Variants in VCL observed in about 807,000 individuals in gnomAD.
The protein encoded by VCL is vinculin.
Under a neutral mutation model 125.7 loss-of-function variants are expected in VCL, and 47 were observed. The observed-to-expected ratio is 0.37, with a 90% CI of 0.30 to 0.48. The LOEUF (loss-of-function observed/expected upper bound fraction) is 0.48. VCL is among the 20% of genes least tolerant of loss of function. The probability of loss-of-function intolerance (pLI) is 0.99; values close to 1 mark genes in which losing one functional copy is unlikely to be tolerated. For synonymous variants in VCL, 458 were observed against 514.6 expected, an observed-to-expected ratio of 0.89 and a Z score of 1.49; for missense variants, 1,069 against 1,455.5, an observed-to-expected ratio of 0.73 and a Z score of 4.32.
At position 74,114,283 on chromosome 10, in the gene VCL, CA is replaced by C; in HGVS notation, c.3050del (p.Gln1017ArgfsTer13). 1 of 1,614,110 alleles carries C rather than the reference CA, an allele frequency of 6.2e-7. No individual in the cohort carries two copies. Among genetic ancestry groups the C allele is most frequent in the Non-Finnish European group, 8.5e-7 (1 of 1,180,026 alleles). On this transcript the variant is annotated frameshift_variant, in exon 20 of 22. Transcript: ENST00000211998. LOFTEE classifies it high-confidence loss of function. ...CAGTGGTACCAAGCGGGCACTCATTCAGTGTGCCAAGGACATCGCCAAGGCC... is the reference window on the plus strand; with the variant it reads ...CAGTGGTACCAAGCGGGCACTCATTCGTGTGCCAAGGACATCGCCAAGGCC... ...GGSGTKRALIQCAKDIAKASD... is the reference protein window; with the variant it reads ...GGSGTKRALIXCAKDIAKASD...
At chr10:74,101,836 C>A (rs1309344528) in intron 14 of VCL, among the ~76,000 whole-genome samples, 1 of 150,772 alleles carries the variant, frequency 6.6e-6, no homozygotes, top group African/African-American at 2.4e-5. Context: ...CACATACACA[C>A]ATAACTAGGA....
At chr10:74,043,219 C>A in intron 2 of VCL, 66 bp downstream of exon 2, 3 of 1,418,184 alleles carry the variant, frequency 2.1e-6, no homozygotes, top group Non-Finnish European at 3.0e-6. Flanking sequence ...GAAAAAGTAG[C>A]TGATTTCAGT....
chr10:74,019,744 T>C (rs942996618), intron 1 of VCL, among the ~76,000 whole-genome samples: 5 of 152,294 alleles, frequency 3.3e-5, no homozygotes, highest in Admixed American at 6.5e-5. Flanking sequence ...ATTTTGAAAA[T>C]GAATCAGTAA....
At chr10:74,031,375 C>G (rs1840870841) in intron 1 of VCL, among the ~76,000 whole-genome samples, 1 of 152,124 alleles carries the variant, frequency 6.6e-6, no homozygotes, top group Non-Finnish European at 1.5e-5. Flanking sequence ...GCCTCTTGTC[C>G]TGTAGCCTAT....
At chr10:74,039,348 A>G (rs2136246209) in intron 1 of VCL, among the ~76,000 whole-genome samples, 1 of 146,450 alleles carries the variant, frequency 6.8e-6, no homozygotes, top group South Asian at 2.1e-4. Context: ...TTCTGTTTTC[A>G]CTACTTAAGT....
At chr10:74,045,723 T>C (rs1841187856) in intron 2 of VCL, among the ~76,000 whole-genome samples, 1 of 151,614 alleles carries the variant, frequency 6.6e-6, no homozygotes, top group Admixed American at 6.6e-5. Context: ...TAAGTAATAA[T>C]GGTCACCACA....
intron 1 of VCL, among the ~76,000 whole-genome samples, chr10:74,018,173 A>G (rs566981639): frequency 0.013 from 784 of 62,004 alleles, 16 homozygotes; most frequent in Non-Finnish European, 0.022. Context: ...GAGGATATAT[A>G]TAGGATATAT....
intron 8 of VCL, among the ~76,000 whole-genome samples, chr10:74,088,860 T>A (rs998536645): frequency 6.6e-6 from 1 of 152,180 alleles, no homozygotes; most frequent in African/African-American, 2.4e-5. Context: ...AACAAAGCCC[T>A]CCCTAGCAAT....
Position 74,119,083 on chromosome 10 carries a change from T to C in VCL, c.*914T>C, listed in dbSNP as rs1840356013. On this transcript the variant is annotated 3_prime_UTR_variant, in exon 22 of 22. Transcript: ENST00000211998. ...TGCAGAGGTCTGTGCTGAGGCCTTATCATTCATTCTTAGCTCTTAATTGTT... is the reference window on the plus strand; with the variant it reads ...TGCAGAGGTCTGTGCTGAGGCCTTACCATTCATTCTTAGCTCTTAATTGTT... 1 of 152,666 alleles carries C rather than the reference T, an allele frequency of 6.6e-6. No homozygotes were observed. The highest frequency in any genetic ancestry group is 1.5e-5 in the Non-Finnish European group (1 of 68,058). The allele number at this position is 152,666 out of a possible 1,614,324, so 9.5% of individuals were successfully genotyped here.
chr10:74,107,290 G>A lies in VCL; in HGVS notation c.2495G>A (p.Arg832Lys). The A allele has an allele frequency of 3.1e-6, 5 of 1,614,232 alleles. No homozygotes were observed. Among genetic ancestry groups the A allele is most frequent in the Non-Finnish European group, 4.2e-6 (5 of 1,180,046 alleles). The change falls in exon 17 of 22, where the codon AGA (arginine) becomes AAA (lysine). Residue 832 changes from arginine to lysine, a missense_variant. Around this residue, in one of 6 missense-constraint regions of VCL, gnomAD observed 760 missense variants for 928.9 expected, o/e 0.82. Coordinates refer to ENST00000211998, the MANE Select transcript of VCL (RefSeq NM_014000.3). ...ATCCTGGGAGCTGTGGCCAAGGTCAGAGAAGCCTTCCAACCTCAGGAGCCT... is the reference window on the plus strand; with the variant it reads ...ATCCTGGGAGCTGTGGCCAAGGTCAAAGAAGCCTTCCAACCTCAGGAGCCT... ...YRILGAVAKV[R>K]EAFQPQEPDF...
chr10:74,032,751 A>G (rs1840905316), intron 1 of VCL, among the ~76,000 whole-genome samples: 2 of 151,668 alleles, frequency 1.3e-5, no homozygotes, highest in Middle Eastern at 3.4e-3. Flanking sequence ...ATCTGAATAG[A>G]CATTTCTCAA....
At chr10:74,010,528 T>C (rs1017844627) in intron 1 of VCL, among the ~76,000 whole-genome samples, 1 of 152,164 alleles carries the variant, frequency 6.6e-6, no homozygotes, top group Non-Finnish European at 1.5e-5. Context: ...TTCATTTCTG[T>C]CTACTTGAAC....
intron 1 of VCL, among the ~76,000 whole-genome samples, chr10:74,021,026 A>G (rs967385140): frequency 6.6e-6 from 1 of 152,058 alleles, no homozygotes; most frequent in African/African-American, 2.4e-5. Flanking sequence ...AACAATGAAC[A>G]TGTGCCACTT....
At position 74,016,186 on chromosome 10, in the gene VCL, C is replaced by T. The variant is rs61864547; in HGVS notation, c.168+17811C>T. On this transcript the variant is annotated intron_variant, in intron 1 of 21. Transcript: ENST00000211998. The stretch of plus-strand genomic sequence containing the variant: ...CCCTTTGGATCTTTTTCAAAATCTG[C>T]TTCAGTTTTGATAGTCTCTTGTTCT... 9.2e-3 allele frequency among the ~76,000 whole-genome samples: 1,405 copies of T among 152,202 alleles called. 9 individuals are homozygous for T. Among genetic ancestry groups the T allele is most frequent in the Non-Finnish European group, 0.014 (975 of 68,010 alleles).
intron 2 of VCL, among the ~76,000 whole-genome samples, chr10:74,064,157 A>T (rs575567939): frequency 6.6e-6 from 1 of 152,336 alleles, no homozygotes; most frequent in Admixed American, 6.5e-5. Flanking sequence ...AACTCACAGA[A>T]ATACTTTACT....
At chr10:74,070,571 A>G in intron 2 of VCL, 99 bp from the exon 3 acceptor site, 1 of 1,566,484 alleles carries the variant, frequency 6.4e-7, no homozygotes, top group Non-Finnish European at 8.7e-7. Flanking sequence ...ATGTAGGGAA[A>G]AAAACTGTGA....
At chr10:74,070,616 T>A (rs1289021912) in intron 2 of VCL, 54 bp from the exon 3 acceptor site, 6 of 1,610,830 alleles carry the variant, frequency 3.7e-6, no homozygotes, top group Non-Finnish European at 5.1e-6. Context: ...TATTTGCATA[T>A]GGTATTCTTC....
At chr10:74,036,377 A>G (rs1416567034) in intron 1 of VCL, among the ~76,000 whole-genome samples, 6 of 151,698 alleles carry the variant, frequency 4.0e-5, no homozygotes, top group African/African-American at 1.5e-4. Flanking sequence ...CAATTTTTAT[A>G]TATTTAGTAG....
intron 2 of VCL, among the ~76,000 whole-genome samples, chr10:74,048,320 T>C (rs1246989135): frequency 2.0e-5 from 3 of 151,956 alleles, no homozygotes; most frequent in African/African-American, 7.3e-5. Flanking sequence ...AATTCAAAAC[T>C]AGCCGGGCGT....
Sources: allele counts gnomAD v4.1 joint callset (sites outside exome capture counted in the v4.1 genomes callset), GRCh38; gene constraint gnomAD v4.1.1; regional missense constraint gnomAD v4.1.1; transcripts MANE v1.5; gene names NCBI Gene and HGNC (gene_info 2026-07-23, HGNC 2026-07-21).